EBF2: variants seen among roughly 807,000 people sequenced by gnomAD.
The protein encoded by EBF2 is transcription factor COE2.
EBF2 carries 21 observed loss-of-function variants against 72.8 expected under a neutral mutation model. That is an observed-to-expected ratio of 0.29 (90% CI 0.20 to 0.42). The LOEUF (loss-of-function observed/expected upper bound fraction) is 0.42, where lower values mean the gene tolerates loss of function less well. EBF2 is among the 10% of genes least tolerant of loss of function. EBF2 has a pLI of 1.00. For missense variants in EBF2, 637 were observed against 731.2 expected (o/e 0.87, Z 1.49); for synonymous variants, 299 against 274.2 (o/e 1.09, Z -0.89).
chr8:25,845,043 G>C (rs944337187), intron 15 of EBF2, among the ~76,000 whole-genome samples: 1 of 152,106 alleles, frequency 6.6e-6, no homozygotes, highest in Admixed American at 6.5e-5. Flanking sequence ...GGAAATTCCA[G>C]GTGCTGAGCC....
chr8:26,004,673 C>CAAAAAAAAAAAAAAAAAAAAAAAAAAA (rs56848916), intron 6 of EBF2, among the ~76,000 whole-genome samples: 1 of 45,458 alleles, frequency 2.2e-5, no homozygotes, highest in Non-Finnish European at 3.7e-5. Context: ...AGACTGTCTC[C>CAAAAAAAAAAAAAAAAAAAAAAAAAAA]AAAAAAAAAA....
At chr8:25,939,452 C>T (rs998496121) in intron 6 of EBF2, among the ~76,000 whole-genome samples, 1 of 152,070 alleles carries the variant, frequency 6.6e-6, no homozygotes, top group African/African-American at 2.4e-5. Flanking sequence ...TGTGTGTGCA[C>T]TAGTGTGATT....
At chr8:26,032,941 G>T in intron 6 of EBF2, 144 bp downstream of exon 6, 1 of 689,256 alleles carries the variant, frequency 1.5e-6, no homozygotes, top group Non-Finnish European at 2.5e-6. Flanking sequence ...AGGCCAGCAT[G>T]AGGAGGCCTT....
At chr8:25,974,549 A>C (rs10089924) in intron 6 of EBF2, among the ~76,000 whole-genome samples, 1,783 of 152,334 alleles carry the variant, frequency 0.012, 35 homozygotes, top group African/African-American at 0.041. Context: ...TCTTAGTTTG[A>C]ACTTTTAATG....
At chr8:25,932,026 A>G (rs1803490075) in intron 6 of EBF2, among the ~76,000 whole-genome samples, 1 of 152,164 alleles carries the variant, frequency 6.6e-6, no homozygotes, top group East Asian at 1.9e-4. Flanking sequence ...CTATGAAACA[A>G]GGGATCTGGG....
At chr8:25,877,923 C>T (rs933601813) in intron 10 of EBF2, among the ~76,000 whole-genome samples, 4 of 152,086 alleles carry the variant, frequency 2.6e-5, no homozygotes, top group South Asian at 2.1e-4. Flanking sequence ...AGACCCTGTC[C>T]GAAGAGCATG....
intron 6 of EBF2, among the ~76,000 whole-genome samples, chr8:25,991,625 C>T (rs1467805585): frequency 1.3e-5 from 2 of 152,120 alleles, no homozygotes; most frequent in South Asian, 4.2e-4. Context: ...GCGGGCAGAT[C>T]ACTTGAGGTC....
chr8:25,870,419 C>T (rs1409852273), intron 10 of EBF2, among the ~76,000 whole-genome samples: 1 of 152,038 alleles, frequency 6.6e-6, no homozygotes, highest in Non-Finnish European at 1.5e-5. Context: ...CTGCCTTTGT[C>T]CCTTTCCATC....
chr8:26,040,141 G>T (rs1279284750), intron 4 of EBF2, 40 bp from the exon 5 acceptor site: 1 of 1,596,748 alleles, frequency 6.3e-7, no homozygotes. Context: ...GATGTGGAGA[G>T]GGGTGGGGGG....
intron 5 of EBF2, among the ~76,000 whole-genome samples, chr8:26,038,420 G>A (rs1004924475): frequency 1.3e-5 from 2 of 152,080 alleles, no homozygotes; most frequent in African/African-American, 4.8e-5. Context: ...ATTTGATTGG[G>A]CTTAAAAATA....
At chr8:25,968,390 G>C (rs1298105543) in intron 6 of EBF2, among the ~76,000 whole-genome samples, 1 of 152,110 alleles carries the variant, frequency 6.6e-6, no homozygotes, top group Non-Finnish European at 1.5e-5. Context: ...CTACAACATG[G>C]ATAAGCCTTG....
intron 6 of EBF2, among the ~76,000 whole-genome samples, chr8:25,911,361 C>T (rs1803126826): frequency 6.6e-6 from 1 of 152,190 alleles, no homozygotes; most frequent in South Asian, 2.1e-4. Context: ...CTTCTGATCC[C>T]ATTCCTTAAG....
chr8:25,919,753 G>A (rs2117133046), intron 6 of EBF2, among the ~76,000 whole-genome samples: 1 of 152,348 alleles, frequency 6.6e-6, no homozygotes, highest in South Asian at 2.1e-4. Flanking sequence ...TACTGTTTCT[G>A]CTTCTTCCCT....
At chr8:25,944,948 T>A (rs1323217573) in intron 6 of EBF2, among the ~76,000 whole-genome samples, 1 of 152,062 alleles carries the variant, frequency 6.6e-6, no homozygotes, top group African/African-American at 2.4e-5. Context: ...GGACTGCTCT[T>A]GACAAAGTTG....
chr8:25,846,596 G>A (rs1801841056), intron 15 of EBF2, among the ~76,000 whole-genome samples: 1 of 152,184 alleles, frequency 6.6e-6, no homozygotes, highest in Non-Finnish European at 1.5e-5. Context: ...TGAGGTAAGA[G>A]AATCTCTTAT....
chr8:25,986,845 A>G (rs7001315), intron 6 of EBF2, among the ~76,000 whole-genome samples: 66,057 of 152,038 alleles, frequency 0.43, 14,712 homozygotes, highest in Middle Eastern at 0.51. Context: ...AAGATTTGTA[A>G]GCAACTGAAC....
At chr8:25,949,886 A>G (rs1803830059) in intron 6 of EBF2, among the ~76,000 whole-genome samples, 1 of 152,238 alleles carries the variant, frequency 6.6e-6, no homozygotes, top group African/African-American at 2.4e-5. Context: ...AGTACCACAC[A>G]GGATGACAGT....
chr8:25,908,665 G>T, intron 6 of EBF2, 110 bp from the exon 7 acceptor site: 1 of 774,860 alleles, frequency 1.3e-6, no homozygotes, highest in South Asian at 1.7e-5. Flanking sequence ...CAGATCTGGG[G>T]AATTTCAACC....
chr8:25,974,471 C>CT (rs754319605), intron 6 of EBF2, among the ~76,000 whole-genome samples: 87 of 152,316 alleles, frequency 5.7e-4, no homozygotes, highest in Non-Finnish European at 1.1e-3. Flanking sequence ...AACTTCTATC[C>CT]TTTTACCTGA....
Sources: gnomAD v4.1 joint callset for allele counts (sites outside exome capture counted in the v4.1 genomes callset) on GRCh38, gnomAD v4.1.1 for gene constraint, MANE v1.5 for transcripts, NCBI Gene and HGNC (gene_info 2026-07-23, HGNC 2026-07-21) for gene names.